NPEPPS: variants seen among roughly 807,000 people sequenced by gnomAD.
The protein encoded by NPEPPS is puromycin-sensitive aminopeptidase.
A neutral mutation model predicts 115.5 loss-of-function variants in NPEPPS; 14 were observed. The observed-to-expected ratio is 0.12, with a 90% CI of 0.08 to 0.19. The LOEUF is 0.19. NPEPPS is among the 10% of genes least tolerant of loss of function. The pLI, the probability that NPEPPS is intolerant of heterozygous loss-of-function variation, is 1.00. For synonymous variants in NPEPPS, 285 were observed against 390.6 expected, an observed-to-expected ratio of 0.73 and a Z score of 3.19; for missense variants, 523 against 1,110.8, an observed-to-expected ratio of 0.47 and a Z score of 7.52.
intron 1 of NPEPPS, among the ~76,000 whole-genome samples, chr17:47,525,661 C>A (rs552493985): frequency 7.1e-4 from 108 of 152,206 alleles, no homozygotes; most frequent in Non-Finnish European, 1.3e-3. Context: ...TGTTTTTAAT[C>A]TTTTCTGTGA....
intron 1 of NPEPPS, among the ~76,000 whole-genome samples, chr17:47,537,305 A>G (rs1340562542): frequency 6.6e-6 from 1 of 152,232 alleles, no homozygotes; most frequent in Admixed American, 6.5e-5. Flanking sequence ...ACAGTTTTGT[A>G]TGCTAAGCTT....
At chr17:47,543,506 T>A (rs1297055443) in intron 1 of NPEPPS, among the ~76,000 whole-genome samples, 2 of 148,122 alleles carry the variant, frequency 1.4e-5, no homozygotes, top group Admixed American at 6.8e-5. Flanking sequence ...TTTTTTTTTT[T>A]AGTAGAAATG....
chr17:47,526,794 TA>T (rs1204775607), upstream of NPEPPS, among the ~76,000 whole-genome samples: 9 of 151,696 alleles, frequency 5.9e-5, no homozygotes, highest in Non-Finnish European at 1.0e-4. Flanking sequence ...CTGTCTCTAC[TA>T]AAAATACGAA....
intron 2 of NPEPPS, chr17:47,559,822 G>GT (rs1370547279): frequency 9.0e-6 from 3 of 334,118 alleles, no homozygotes; most frequent in Non-Finnish European, 1.7e-5. Flanking sequence ...GATAGACTGT[G>GT]TTACTTGAAC....
chr17:47,610,845 CTTTTTTTTTTTTTT>C (rs59893483), intron 17 of NPEPPS, among the ~76,000 whole-genome samples: 3 of 100,120 alleles, frequency 3.0e-5, no homozygotes, highest in African/African-American at 8.3e-5. Flanking sequence ...TATGATGACT[CTTTTTTTTTTTTTT>C]TTTTTTTTTT....
intron 2 of NPEPPS, among the ~76,000 whole-genome samples, chr17:47,559,261 C>T (rs546299673): frequency 4.2e-4 from 64 of 152,094 alleles, no homozygotes; most frequent in African/African-American, 1.5e-3. Context: ...AGGCTGGTCT[C>T]GAACTCCTGG....
intron 19 of NPEPPS, among the ~76,000 whole-genome samples, chr17:47,614,811 C>T (rs1012278360): frequency 6.6e-6 from 1 of 152,238 alleles, no homozygotes; most frequent in African/African-American, 2.4e-5. Flanking sequence ...AAAAGATCCA[C>T]GCTTAGGACA....
intron 4 of NPEPPS, chr17:47,582,194 A>G (rs1173695354): frequency 3.2e-5 from 5 of 154,092 alleles, no homozygotes; most frequent in African/African-American, 9.7e-5. Flanking sequence ...TCAAGTGGCG[A>G]CAGTTTTATG....
intron 1 of NPEPPS, among the ~76,000 whole-genome samples, chr17:47,535,436 AGCTACTCGGGAG>A (rs1908157630): frequency 6.7e-6 from 1 of 150,030 alleles, no homozygotes; most frequent in Non-Finnish European, 1.5e-5. Flanking sequence ...CTGTAGTCCC[AGCTACTCGGGAG>A]GCTGAGGCAG....
At chr17:47,564,183 A>C (rs1306232824) in intron 2 of NPEPPS, among the ~76,000 whole-genome samples, 1 of 152,092 alleles carries the variant, frequency 6.6e-6, no homozygotes, top group East Asian at 1.9e-4. Flanking sequence ...CGGTCTCCCA[A>C]AGTGTTGGGA....
At chr17:47,542,725 T>C (rs190513061) in intron 1 of NPEPPS, among the ~76,000 whole-genome samples, 3 of 152,278 alleles carry the variant, frequency 2.0e-5, no homozygotes. Context: ...CTTTGTGATT[T>C]AGGGCATCTG....
intron 6 of NPEPPS, 37 bp from the exon 7 acceptor site, chr17:47,586,109 CAT>C (rs58691358): frequency 5.5e-5 from 30 of 541,414 alleles, no homozygotes; most frequent in Non-Finnish European, 7.8e-5. Context: ...ATTATAATAA[CAT>C]ATTTATTAGA....
At chr17:47,548,023 C>G (rs1173768343) in intron 2 of NPEPPS, among the ~76,000 whole-genome samples, 1 of 152,022 alleles carries the variant, frequency 6.6e-6, no homozygotes, top group Non-Finnish European at 1.5e-5. Context: ...GAGACTCCGT[C>G]TCAAAAAAAT....
At chr17:47,619,837 T>C (rs375450352) in intron 22 of NPEPPS, 53 bp downstream of exon 22, 27 of 1,326,908 alleles carry the variant, frequency 2.0e-5, no homozygotes, top group African/African-American at 5.8e-5. Context: ...GTAAAAACAA[T>C]AACCTGGTTG....
In NPEPPS at chr17:47,538,202, C is replaced by CTTTTTTTTTTTTTTTT. The variant is rs543559258; in HGVS notation, c.255+6655_255+6670dup. On this transcript the variant is annotated intron_variant, in intron 1 of 22. Coordinates refer to ENST00000322157, the MANE Select transcript of NPEPPS (RefSeq NM_006310.4). Reference sequence around the variant, plus strand: ...GCCACCGCGCCTAGCCATATCTGTTCTTTTTTTTTTTTTTTTTTTTTTTGA... The same window carrying CTTTTTTTTTTTTTTTT: ...GCCACCGCGCCTAGCCATATCTGTTCTTTTTTTTTTTTTTTTTTTTTTTTTTTTTTTTTTTTTTTGA... 5.8e-4 allele frequency among the ~76,000 whole-genome samples: 34 copies of CTTTTTTTTTTTTTTTT among 58,496 alleles called. 4 individuals carry two copies. Among genetic ancestry groups the CTTTTTTTTTTTTTTTT allele is most frequent in the South Asian group, 1.6e-3 (2 of 1,276 alleles). The allele number at this position is 58,496 out of a possible 152,430, so 38.4% of individuals were successfully genotyped here.
At chr17:47,536,704 CTTTTTTTT>C (rs572115219) in intron 1 of NPEPPS, among the ~76,000 whole-genome samples, 31,853 of 76,944 alleles carry the variant, frequency 0.41, 4,635 homozygotes, top group South Asian at 0.54. Context: ...TGCCTGGCTT[CTTTTTTTT>C]TTTTTTTTTT....
At chr17:47,532,273 C>G (rs1177271790) in intron 1 of NPEPPS, among the ~76,000 whole-genome samples, 1 of 152,164 alleles carries the variant, frequency 6.6e-6, no homozygotes, top group Non-Finnish European at 1.5e-5. Flanking sequence ...GACCCCATCT[C>G]CGCTTTTCCA....
intron 9 of NPEPPS, among the ~76,000 whole-genome samples, chr17:47,590,203 C>T (rs113762885): frequency 7.2e-5 from 11 of 152,034 alleles, no homozygotes; most frequent in African/African-American, 1.9e-4. Flanking sequence ...TCTGGGTTTG[C>T]GGGAGAAGTT....
intron 5 of NPEPPS, among the ~76,000 whole-genome samples, chr17:47,583,097 C>T (rs1911983901): frequency 6.6e-6 from 1 of 151,094 alleles, no homozygotes; most frequent in Admixed American, 6.6e-5. Context: ...GTCTTCCTGC[C>T]TCAGCTTCCC....
Sources: gnomAD v4.1 joint callset for allele counts (sites outside exome capture counted in the v4.1 genomes callset) on GRCh38, gnomAD v4.1.1 for gene constraint, MANE v1.5 for transcripts, NCBI Gene and HGNC (gene_info 2026-07-23, HGNC 2026-07-21) for gene names.